Variants in AMDHD2 observed in about 807,000 individuals in gnomAD.
AMDHD2 encodes the protein amidohydrolase domain containing 2.
Under a neutral mutation model 41.8 loss-of-function variants are expected in AMDHD2, and 24 were observed. The ratio of observed to expected loss-of-function variants is 0.57; its 90% confidence interval spans 0.42 to 0.81. AMDHD2 has a LOEUF of 0.81. Among genes scored for constraint, AMDHD2 ranks in the 30% least tolerant of loss-of-function variants. The pLI is 0.00. For missense variants in AMDHD2, 540 were observed against 588.5 expected, an observed-to-expected ratio of 0.92 and a Z score of 0.85; for synonymous variants, 332 against 255.5, an observed-to-expected ratio of 1.30 and a Z score of -2.85.
chr16:2,528,742 G>T (rs371095432), intron 9 of AMDHD2, 24 bp downstream of exon 9: 1 of 1,608,502 alleles, frequency 6.2e-7, no homozygotes, highest in Non-Finnish European at 8.5e-7. Flanking sequence ...ACGGGTGCGG[G>T]TTTAGGTGGT....
Position 2,531,350 on chromosome 16 carries a change from C to T in AMDHD2, c.*1787C>T, listed in dbSNP as rs2066094272. 5.8e-6 allele frequency: 3 copies of T among 515,364 alleles called. No individual in the cohort carries two copies. Among genetic ancestry groups the T allele is most frequent in the Admixed American group, 7.0e-5 (2 of 28,694 alleles). The allele number at this position is 515,364 out of a possible 1,614,324, so 31.9% of individuals were successfully genotyped here. ...ATGATTTTGAGGTGTGGGGGAAGCA[C>T]TCTTGGTTGGTTTTGGTTTGCTTTT... On this transcript the variant is annotated 3_prime_UTR_variant, in exon 11 of 11. Transcript: ENST00000293971.
rs1233977726 is a variant in AMDHD2 at position 2,528,253 on chromosome 16, A to G, written c.735A>G (p.Pro245=). Residue 245 remains proline, a synonymous_variant, in exon 7 of 11, where the codon CCA becomes CCG. Transcript: ENST00000293971. Reference sequence around the variant, plus strand: ...CTGCCCAGTTCCACCACCGCGACCCAGGCATCGTGGGGCTCCTGACCAGCG... The same window carrying G: ...CTGCCCAGTTCCACCACCGCGACCCGGGCATCGTGGGGCTCCTGACCAGCG... ...NAMLPFHHRD[P]GIVGLLTSDR... 3 of 1,611,882 alleles carry G rather than the reference A, an allele frequency of 1.9e-6. No homozygotes were observed. Among genetic ancestry groups the G allele is most frequent in the Non-Finnish European group, 2.5e-6 (3 of 1,179,780 alleles).
intron 3 of AMDHD2, among the ~76,000 whole-genome samples, chr16:2,524,251 C>T (rs1421343554): frequency 6.6e-6 from 1 of 152,222 alleles, no homozygotes; most frequent in Non-Finnish European, 1.5e-5. Context: ...CTTTTGTTGT[C>T]CTGTTCTGGT....
rs565373721 is a variant in AMDHD2, at chr16:2,520,437, C to A, written c.-22C>A. On this transcript the variant is annotated 5_prime_UTR_variant, in exon 1 of 11. Transcript: ENST00000293971. ...TGGCCGCCGCGGGGCTCCGGAGCCG[C>A]TCGCTCCCGACACGGCTCACGATGC... 8.1e-7 allele frequency: 1 copy of A among 1,227,980 alleles called. No homozygotes were observed. The highest frequency in any genetic ancestry group is 1.0e-6 in the Non-Finnish European group (1 of 979,998). The allele number at this position is 1,227,980 out of a possible 1,614,324, so 76.1% of individuals were successfully genotyped here.
At chr16:2,521,524 C>G (rs932478920) in intron 3 of AMDHD2, among the ~76,000 whole-genome samples, 1 of 152,200 alleles carries the variant, frequency 6.6e-6, no homozygotes, top group Admixed American at 6.5e-5. Flanking sequence ...ATGTGTGACT[C>G]AGTGGAACAC....
At chr16:2,524,772 C>T (rs1212705001) in intron 3 of AMDHD2, among the ~76,000 whole-genome samples, 1 of 152,092 alleles carries the variant, frequency 6.6e-6, no homozygotes. Flanking sequence ...CAGCTCAGGG[C>T]AGAATCCATT....
chr16:2,525,002 G>A (rs1447014457), intron 3 of AMDHD2, among the ~76,000 whole-genome samples: 2 of 151,346 alleles, frequency 1.3e-5, no homozygotes, highest in Non-Finnish European at 2.9e-5. Context: ...TTTGTTTCTT[G>A]GCTCTAACCC....
Position 2,521,072 on chromosome 16 carries a change from C to T in AMDHD2, c.309C>T (p.Val103=), listed in dbSNP as rs117020061. The T allele has an allele frequency of 1.1e-3, 1,851 of 1,611,148 alleles. 1 individual carries two copies. Among genetic ancestry groups the T allele is most frequent in the Non-Finnish European group, 1.5e-3 (1,785 of 1,178,342 alleles). ...LVARRILSHG[V]TSFCPTLVTS... is the part of the protein sequence containing the mutation. ...CCCGGAGGATCCTGTCGCACGGCGT[C>T]ACCTCCTTCTGCCCCACCCTGGTCA... Residue 103 remains valine (V), a synonymous_variant, in exon 3 of 11, where the codon GTC becomes GTT. Transcript: ENST00000293971.
At chr16:2,521,186 C>T in intron 3 of AMDHD2, 63 bp downstream of exon 3, 2 of 1,485,740 alleles carry the variant, frequency 1.3e-6, no homozygotes, top group Non-Finnish European at 1.8e-6. Context: ...CCCTCATTTT[C>T]AAACTCACGC....
At chr16:2,521,975 G>A (rs1198619078) in intron 3 of AMDHD2, among the ~76,000 whole-genome samples, 5 of 151,854 alleles carry the variant, frequency 3.3e-5, no homozygotes, top group Admixed American at 6.6e-5. Context: ...TCGTAGAGAC[G>A]GGGTTTCACC....
chr16:2,526,040 G>A (rs1355449223), intron 3 of AMDHD2, among the ~76,000 whole-genome samples: 2 of 152,210 alleles, frequency 1.3e-5, no homozygotes, highest in African/African-American at 4.8e-5. Flanking sequence ...TTATTGGCTG[G>A]AGGGTGTCCG....
chr16:2,527,151 T>A lies in AMDHD2; in HGVS notation c.361-410T>A, dbSNP rs991408388. ...CCCCCGTTCCCTGACACACTCGGTC[T>A]TCCTGATGGCGTCCAGCTCCGGCCA... On this transcript the variant is annotated intron_variant, in intron 3 of 10. Transcript: ENST00000293971. This position sits in a 1 kb window ranked among gnomAD's most constrained non-coding sequence, Gnocchi z 6.1. The A allele has an allele frequency of 3.9e-5, 9 of 233,374 alleles. No homozygotes were observed. The highest frequency in any genetic ancestry group is 6.7e-5 in the Non-Finnish European group (8 of 120,178). 14.5% of individuals were successfully genotyped at this position (233,374 alleles called of 1,614,324 possible).
chr16:2,523,085 G>C (rs928201296), intron 3 of AMDHD2, among the ~76,000 whole-genome samples: 7 of 152,108 alleles, frequency 4.6e-5, no homozygotes, highest in Middle Eastern at 3.4e-3. Flanking sequence ...CTCACGATCT[G>C]CCCATCTCAG....
chr16:2,527,805 G>C lies in AMDHD2; in HGVS notation c.448G>C (p.Glu150Gln). Residue 150 changes from glutamate to glutamine, a missense_variant, in exon 5 of 11, where the codon GAG becomes CAG. Transcript: ENST00000293971. The surrounding 1 kb of genome is among the most constrained non-coding windows in gnomAD (Gnocchi z 6.1). ...LHLEGPFISR[E>Q]KRGAHPEAHL... ...CCTGGAGGGCCCCTTCATCAGCCGG[G>C]AGAAGCGGGGCGCGCACCCCGAGGC... 6.3e-7 allele frequency: 1 copy of C among 1,586,852 alleles called. No individual in the cohort carries two copies. The highest frequency in any genetic ancestry group is 8.5e-7 in the Non-Finnish European group (1 of 1,171,438).
At chr16:2,522,992 C>T (rs1316658882) in intron 3 of AMDHD2, among the ~76,000 whole-genome samples, 2 of 151,788 alleles carry the variant, frequency 1.3e-5, no homozygotes, top group African/African-American at 2.4e-5. Context: ...TACAGGCGCC[C>T]GCCACCATGC....
At position 2,524,826 on chromosome 16, in the gene AMDHD2, G is replaced by A. The variant is rs541504391; in HGVS notation, c.361-2735G>A. Among the ~76,000 whole-genome samples, 918 of 152,144 alleles carry A rather than the reference G, an allele frequency of 6.0e-3. 8 individuals carry two copies. Among genetic ancestry groups the A allele is most frequent in the Non-Finnish European group, 9.8e-3 (666 of 68,006 alleles). On this transcript the variant is annotated intron_variant, in intron 3 of 10. Transcript: ENST00000293971. ...TGAACATCAGTGCTCTCGTGGCTCC[G>A]TGAGTCCTCTTAGCCCCTTTCTCTC...
rs565373721 is a variant in AMDHD2 at position 2,520,437 on chromosome 16, C to G, written c.-22C>G. 4 of 1,227,980 alleles carry G rather than the reference C, an allele frequency of 3.3e-6. No homozygotes were observed. Among genetic ancestry groups the G allele is most frequent in the South Asian group, 4.1e-5 (1 of 24,440 alleles). The allele number at this position is 1,227,980 out of a possible 1,614,324, so 76.1% of individuals were successfully genotyped here. ...TGGCCGCCGCGGGGCTCCGGAGCCG[C>G]TCGCTCCCGACACGGCTCACGATGC... On this transcript the variant is annotated 5_prime_UTR_variant, in exon 1 of 11. Transcript: ENST00000293971.
At position 2,529,605 on chromosome 16, in the gene AMDHD2, C is replaced by T; in HGVS notation, c.*42C>T. The T allele has an allele frequency of 1.2e-6, 2 of 1,601,532 alleles. No individual in the cohort carries two copies. ...GAGGACACCTGGCCGCAGCGGGATG[C>T]CATCAGGGCCGGGTGGTTGGGGAGC... On this transcript the variant is annotated 3_prime_UTR_variant, in exon 11 of 11. Coordinates refer to ENST00000293971, the MANE Select transcript of AMDHD2 (RefSeq NM_001330449.2).
intron 3 of AMDHD2, among the ~76,000 whole-genome samples, chr16:2,525,878 C>T (rs1232043903): frequency 6.6e-6 from 1 of 152,140 alleles, no homozygotes. Context: ...GGGGTTTCTC[C>T]ATGTTGGTAA....
Sources: gnomAD v4.1 joint callset for allele counts (sites outside exome capture counted in the v4.1 genomes callset) on GRCh38, gnomAD v4.1.1 for gene constraint, Gnocchi (gnomAD v3.1) non-coding constraint, MANE v1.5 for transcripts, NCBI Gene and HGNC (gene_info 2026-07-23, HGNC 2026-07-21) for gene names.